ST3GAL6: variants seen among roughly 807,000 people sequenced by gnomAD.
ST3GAL6 encodes the protein ST3 beta-galactoside alpha-2,3-sialyltransferase 6.
A neutral mutation model predicts 40.5 loss-of-function variants in ST3GAL6; 31 were observed. That is an observed-to-expected ratio of 0.77 (90% CI 0.58 to 1.03). The LOEUF is 1.03. ST3GAL6 is among the 50% of genes least tolerant of loss of function. The pLI is 0.00. For missense variants in ST3GAL6, 357 were observed against 393.2 expected, an observed-to-expected ratio of 0.91 and a Z score of 0.78; for synonymous variants, 129 against 136.9, an observed-to-expected ratio of 0.94 and a Z score of 0.40.
intron 5 of ST3GAL6, among the ~76,000 whole-genome samples, chr3:98,779,206 T>C (rs1168451699): frequency 6.6e-6 from 1 of 152,156 alleles, no homozygotes; most frequent in East Asian, 1.9e-4. Context: ...AAGAAGTGAG[T>C]AATGAAGTAT....
At chr3:98,778,725 T>G (rs1215269561) in intron 5 of ST3GAL6, among the ~76,000 whole-genome samples, 2 of 152,218 alleles carry the variant, frequency 1.3e-5, no homozygotes, top group South Asian at 4.1e-4. Context: ...GTCAGATTAC[T>G]ACACCAAGGT....
chr3:98,733,119 TG>T, intron 1 of ST3GAL6: 1 of 1,306,934 alleles, frequency 7.7e-7, no homozygotes, highest in Non-Finnish European at 9.8e-7. Flanking sequence ...GGCTCAGGGT[TG>T]GGGGTGGGGA....
chr3:98,768,864 T>G (rs1297806792), intron 2 of ST3GAL6, among the ~76,000 whole-genome samples: 2 of 152,240 alleles, frequency 1.3e-5, no homozygotes, highest in Middle Eastern at 3.2e-3. Flanking sequence ...GAACCTAAAA[T>G]GCTTGCTTAA....
upstream of ST3GAL6, among the ~76,000 whole-genome samples, chr3:98,761,064 G>C (rs1310599678): frequency 6.6e-6 from 1 of 152,202 alleles, no homozygotes; most frequent in Non-Finnish European, 1.5e-5. Flanking sequence ...GAAGTGGGAA[G>C]AAGGAAGTGA....
intron 8 of ST3GAL6, among the ~76,000 whole-genome samples, chr3:98,789,781 G>T (rs1370592534): frequency 6.6e-6 from 1 of 152,154 alleles, no homozygotes; most frequent in Non-Finnish European, 1.5e-5. Context: ...GTATGATCAG[G>T]TATATCTCTT....
At chr3:98,759,660 G>A (rs182122565), upstream of ST3GAL6, among the ~76,000 whole-genome samples, 13 of 151,692 alleles carry the variant, frequency 8.6e-5, no homozygotes, top group East Asian at 2.1e-3. Context: ...AGTATGATAC[G>A]TAAGTCCTCA....
intron 5 of ST3GAL6, among the ~76,000 whole-genome samples, chr3:98,776,858 A>G (rs1479799160): frequency 6.6e-6 from 1 of 152,214 alleles, no homozygotes; most frequent in Admixed American, 6.5e-5. Flanking sequence ...GTTTTGTCAG[A>G]TATCTCGTCC....
Position 98,773,966 on chromosome 3 carries a change from C to T in ST3GAL6, c.318C>T (p.Leu106=). ...LALSKLQSCD[L]FDEFDNIPCK... is the part of the protein sequence containing the mutation. ...TTTCAAAACTGCAGAGTTGTGATCT[C>T]TTTGATGAGTTTGACAAGTGAGTTT... Residue 106 remains leucine (L), a synonymous_variant, in exon 5 of 10, where the codon CTC becomes CTT. Transcript: ENST00000483910. 1.2e-6 allele frequency: 2 copies of T among 1,612,982 alleles called. No individual in the cohort carries two copies. Among genetic ancestry groups the T allele is most frequent in the Non-Finnish European group, 1.7e-6 (2 of 1,179,302 alleles).
intron 1 of ST3GAL6, among the ~76,000 whole-genome samples, chr3:98,740,384 T>G (rs1242669967): frequency 1.3e-5 from 2 of 152,170 alleles, no homozygotes; most frequent in Non-Finnish European, 2.9e-5. Context: ...TCCAGAGAAT[T>G]TCTCTCACTG....
chr3:98,780,338 C>T (rs1939974049), intron 5 of ST3GAL6, among the ~76,000 whole-genome samples: 1 of 152,142 alleles, frequency 6.6e-6, no homozygotes. Context: ...CAGAAAAATG[C>T]GTAAATCTTT....
chr3:98,793,979 C>CA lies in ST3GAL6; in HGVS notation c.*219dup. 2 of 362,088 alleles carry CA rather than the reference C, an allele frequency of 5.5e-6. No individual in the cohort carries two copies. The highest frequency in any genetic ancestry group is 1.8e-4 in the South Asian group (2 of 11,088). The allele number at this position is 362,088 out of a possible 1,614,324, so 22.4% of individuals were successfully genotyped here. On this transcript the variant is annotated 3_prime_UTR_variant, in exon 10 of 10. Transcript: ENST00000483910. ...ATAACAGGAAAATAAGTTTTGATTG[C>CA]ATTGTTTTTAAAATAAGCTAGTTTT...
At chr3:98,755,264 T>G (rs2107359955) in intron 1 of ST3GAL6, among the ~76,000 whole-genome samples, 1 of 152,142 alleles carries the variant, frequency 6.6e-6, no homozygotes, top group Non-Finnish European at 1.5e-5. Context: ...GCCAGGATGG[T>G]CTTGATCTCC....
intron 1 of ST3GAL6, among the ~76,000 whole-genome samples, chr3:98,751,913 A>C (rs968619713): frequency 3.3e-5 from 5 of 152,342 alleles, no homozygotes; most frequent in Middle Eastern, 3.4e-3. Context: ...GATTTTCATA[A>C]TCAAGCATAA....
At chr3:98,785,523 G>T (rs898575766) in intron 6 of ST3GAL6, among the ~76,000 whole-genome samples, 1 of 152,160 alleles carries the variant, frequency 6.6e-6, no homozygotes, top group African/African-American at 2.4e-5. Context: ...TTGCTGCAGG[G>T]CCTCAGGAGG....
At chr3:98,793,117 G>A (rs573592733) in intron 9 of ST3GAL6, among the ~76,000 whole-genome samples, 1 of 152,150 alleles carries the variant, frequency 6.6e-6, no homozygotes, top group Non-Finnish European at 1.5e-5. Flanking sequence ...CAAGAATGAG[G>A]TACCCCAACA....
chr3:98,743,902 C>T (rs1225204436), intron 1 of ST3GAL6, among the ~76,000 whole-genome samples: 2 of 134,844 alleles, frequency 1.5e-5, no homozygotes, highest in African/African-American at 2.7e-5. Flanking sequence ...GTGCCCCCCT[C>T]CCCCCCCCGC....
At chr3:98,787,973 C>T in intron 6 of ST3GAL6, 63 bp from the exon 7 acceptor site, 3 of 1,452,492 alleles carry the variant, frequency 2.1e-6, no homozygotes, top group Non-Finnish European at 2.8e-6. Flanking sequence ...CCTCTGAGAA[C>T]TGTGATGGGA....
At position 98,794,365 on chromosome 3, in the gene ST3GAL6, A is replaced by T. The variant is rs1941440014; in HGVS notation, c.*604A>T. On this transcript the variant is annotated 3_prime_UTR_variant, in exon 10 of 10. Coordinates refer to ENST00000483910, the MANE Select transcript of ST3GAL6 (RefSeq NM_001323368.2). ...CATAAAGTTCTTATTAGATAAGTAA[A>T]TAACTAAAGAAAGAATACAATTACT... is the stretch of plus-strand genomic sequence containing the variant. 6.6e-6 allele frequency: 1 copy of T among 152,212 alleles called. No homozygotes were observed. The highest frequency in any genetic ancestry group is 1.5e-5 in the Non-Finnish European group (1 of 68,044). The allele number at this position is 152,212 out of a possible 1,614,324, so 9.4% of individuals were successfully genotyped here.
intron 8 of ST3GAL6, among the ~76,000 whole-genome samples, chr3:98,790,333 A>T (rs1343824879): frequency 6.6e-6 from 1 of 152,214 alleles, no homozygotes; most frequent in East Asian, 1.9e-4. Context: ...CTGAAGTTAC[A>T]TCTCATCCAT....
Sources: allele counts gnomAD v4.1 joint callset (sites outside exome capture counted in the v4.1 genomes callset), GRCh38; gene constraint gnomAD v4.1.1; transcripts MANE v1.5; gene names NCBI Gene and HGNC (gene_info 2026-07-23, HGNC 2026-07-21).